Variants in SCAPER observed in about 807,000 individuals in gnomAD.
SCAPER encodes S-phase cyclin A associated protein in the ER, also known as S phase cyclin A-associated protein in the endoplasmic reticulum.
A neutral mutation model predicts 182.2 loss-of-function variants in SCAPER; 98 were observed. That is an observed-to-expected ratio of 0.54 (90% CI 0.46 to 0.64). The LOEUF is 0.64. SCAPER is among the 30% of genes least tolerant of loss of function. The pLI is 0.00. For synonymous variants in SCAPER, 605 were observed against 564.6 expected (o/e 1.07, Z -1.01); for missense variants, 1,432 against 1,690.0 (o/e 0.85, Z 2.68).
chr15:76,564,825 T>C (rs900770164), intron 23 of SCAPER, among the ~76,000 whole-genome samples: 14 of 151,940 alleles, frequency 9.2e-5, no homozygotes, highest in Admixed American at 2.6e-4. Context: ...AACAGACACA[T>C]AGACGAATGG....
At chr15:76,481,839 A>G (rs1299454646) in intron 24 of SCAPER, among the ~76,000 whole-genome samples, 1 of 152,224 alleles carries the variant, frequency 6.6e-6, no homozygotes, top group Non-Finnish European at 1.5e-5. Context: ...ATATGTCTGG[A>G]TATGTCTTTT....
At chr15:76,645,471 A>C (rs937657868) in intron 21 of SCAPER, among the ~76,000 whole-genome samples, 1 of 152,090 alleles carries the variant, frequency 6.6e-6, no homozygotes, top group Non-Finnish European at 1.5e-5. Context: ...ATAATCATAA[A>C]TATTCCATCT....
chr15:76,568,220 T>TATATATATATAC (rs2047185660), intron 23 of SCAPER, among the ~76,000 whole-genome samples: 1 of 117,958 alleles, frequency 8.5e-6, no homozygotes, highest in African/African-American at 3.0e-5. Flanking sequence ...TATATATATA[T>TATATATATATAC]ATATACAAAT....
Position 76,663,935 on chromosome 15 carries a change from A to C in SCAPER, c.2645+1718T>G, listed in dbSNP as rs1263031210. Among the ~76,000 whole-genome samples, 3 of 152,082 alleles carry C rather than the reference A, an allele frequency of 2.0e-5. No individual in the cohort carries two copies. In the South Asian group the frequency reaches 6.2e-4, roughly 31 times the overall value. On this transcript the variant is annotated intron_variant, in intron 21 of 31. Coordinates refer to ENST00000563290, the MANE Select transcript of SCAPER (RefSeq NM_020843.4). ...CAGATGGCAAAATATTAGAAGATAA[A>C]ACTATTTTTCCTATGGTTATTTACA...
rs142350814 is a variant in SCAPER at position 76,837,951 on chromosome 15, G to T, written c.393+3783C>A. 7.9e-5 allele frequency among the ~76,000 whole-genome samples: 12 copies of T among 152,290 alleles called. No homozygotes were observed. In the South Asian group the frequency reaches 2.5e-3, roughly 32 times the overall value. ...AAGGGAATGCTTATACACTGCTGGT[G>T]GGAATGTAAATTTGTTCAGCCACCA... On this transcript the variant is annotated intron_variant, in intron 5 of 31. Transcript: ENST00000563290.
At chr15:76,682,773 C>T (rs1280046364) in intron 20 of SCAPER, among the ~76,000 whole-genome samples, 2 of 152,102 alleles carry the variant, frequency 1.3e-5, no homozygotes, top group East Asian at 3.9e-4. Flanking sequence ...AGAGTTACAG[C>T]ACACAGCCTA....
rs923372203 is a variant in SCAPER, at chr15:76,618,947, C to T, written c.2711+2817G>A. On this transcript the variant is annotated intron_variant, in intron 22 of 31. Coordinates refer to ENST00000563290, the MANE Select transcript of SCAPER (RefSeq NM_020843.4). ...GCAACCTCCACCTCCCGGGTTCGAG[C>T]GATTCTCCTGCCTCAGCCTCCTGAG... 7.9e-5 allele frequency among the ~76,000 whole-genome samples: 12 copies of T among 152,256 alleles called. 1 individual carries two copies. Among genetic ancestry groups the T allele is most frequent in the African/African-American group, 1.7e-4 (7 of 41,552 alleles).
chr15:76,482,047 A>G (rs1471582600), intron 24 of SCAPER, among the ~76,000 whole-genome samples: 2 of 152,112 alleles, frequency 1.3e-5, no homozygotes, highest in Non-Finnish European at 2.9e-5. Flanking sequence ...TTCTTTAATC[A>G]GCAGGCGCAT....
intron 5 of SCAPER, among the ~76,000 whole-genome samples, chr15:76,816,093 G>C (rs771099509): frequency 1.3e-5 from 2 of 152,196 alleles, no homozygotes; most frequent in Non-Finnish European, 2.9e-5. Flanking sequence ...GTAAAGGAGA[G>C]AATGGTAAGT....
intron 21 of SCAPER, among the ~76,000 whole-genome samples, chr15:76,656,533 C>T (rs2055650361): frequency 6.6e-6 from 1 of 152,100 alleles, no homozygotes; most frequent in Non-Finnish European, 1.5e-5. Context: ...CTGAACTTGA[C>T]ACTTCATTAA....
At chr15:76,607,814 A>C (rs967920054) in intron 22 of SCAPER, among the ~76,000 whole-genome samples, 4 of 152,166 alleles carry the variant, frequency 2.6e-5, no homozygotes, top group Admixed American at 2.6e-4. Context: ...CGCATCGGCT[A>C]CTGAGGCTTC....
At chr15:76,451,432 A>G (rs1277955812) in intron 25 of SCAPER, among the ~76,000 whole-genome samples, 1 of 152,206 alleles carries the variant, frequency 6.6e-6, no homozygotes, top group Non-Finnish European at 1.5e-5. Flanking sequence ...GAAACTGCCA[A>G]ACTTAAAGCA....
In SCAPER at chr15:76,453,195, T is replaced by C. The variant is rs114321239; in HGVS notation, c.3078+18017A>G. ...CACATGATGCCCCATCACCACTAAA[T>C]ACTTTTGTGTATTTCCAATGAAGGG... On this transcript the variant is annotated intron_variant, in intron 25 of 31. Transcript: ENST00000563290. 7.8e-3 allele frequency among the ~76,000 whole-genome samples: 1,191 copies of C among 152,344 alleles called. 17 individuals carry two copies. The highest frequency in any genetic ancestry group is 0.028 in the African/African-American group (1,144 of 41,558).
chr15:76,715,257 G>A (rs1467410274), intron 17 of SCAPER, among the ~76,000 whole-genome samples: 1 of 151,448 alleles, frequency 6.6e-6, no homozygotes, highest in African/African-American at 2.4e-5. Context: ...CAAAGTAATT[G>A]CACCCCCAGC....
chr15:76,804,756 G>T, intron 5 of SCAPER, 123 bp from the exon 6 acceptor site: 1 of 504,832 alleles, frequency 2.0e-6, no homozygotes. Context: ...TGAAAAAGCT[G>T]CGTAAGTTAC....
At chr15:76,643,274 TCTTTA>T (rs2054247900) in intron 21 of SCAPER, among the ~76,000 whole-genome samples, 1 of 152,210 alleles carries the variant, frequency 6.6e-6, no homozygotes, top group Non-Finnish European at 1.5e-5. Flanking sequence ...TTAACTTTGA[TCTTTA>T]CTGAACACTG....
chr15:76,798,368 A>G (rs1223419486), intron 7 of SCAPER, among the ~76,000 whole-genome samples: 1 of 151,766 alleles, frequency 6.6e-6, no homozygotes, highest in Non-Finnish European at 1.5e-5. Flanking sequence ...TTAAAAAAAA[A>G]AAAAAAGAAA....
chr15:76,728,756 G>C lies in SCAPER; in HGVS notation c.2023-19C>G. ...TGCGTTCCTAATGTTAGAAATATTT[G>C]TTTCCAATATTAGAATTATGTGTAA... is the stretch of plus-strand genomic sequence containing the variant. On this transcript the variant is annotated intron_variant, in intron 16 of 31. Coordinates refer to ENST00000563290, the MANE Select transcript of SCAPER (RefSeq NM_020843.4). 1 of 1,596,372 alleles carries C rather than the reference G, an allele frequency of 6.3e-7. No homozygotes were observed.
rs538164636 is a variant in SCAPER at position 76,563,073 on chromosome 15, G to T, written c.2838+11085C>A. On this transcript the variant is annotated intron_variant, in intron 23 of 31. Coordinates refer to ENST00000563290, the MANE Select transcript of SCAPER (RefSeq NM_020843.4). The stretch of plus-strand genomic sequence containing the variant: ...TAAGTGATAAAACCATAAAGAAAAG[G>T]AAGTCGCTTCTTAAAAGTCAAATTA... Among the ~76,000 whole-genome samples, 4 of 152,174 alleles carry T rather than the reference G, an allele frequency of 2.6e-5. No homozygotes were observed. In the South Asian group the frequency reaches 8.3e-4, roughly 32 times the overall value.
Sources: gnomAD v4.1 joint callset for allele counts (sites outside exome capture counted in the v4.1 genomes callset) on GRCh38, gnomAD v4.1.1 for gene constraint, MANE v1.5 for transcripts, NCBI Gene and HGNC (gene_info 2026-07-23, HGNC 2026-07-21) for gene names.